C10orf90: variants seen among roughly 807,000 people sequenced by gnomAD.
C10orf90 encodes the protein (E2-independent) E3 ubiquitin-conjugating enzyme FATS.
A neutral mutation model predicts 62.5 loss-of-function variants in C10orf90; 56 were observed. The ratio of observed to expected loss-of-function variants is 0.90; its 90% CI spans 0.72 to 1.12. The LOEUF (loss-of-function observed/expected upper bound fraction) is 1.12. Among genes scored for constraint, C10orf90 ranks in the 50% most tolerant of loss-of-function variants. The pLI, the probability that C10orf90 is intolerant of heterozygous loss-of-function variation, is 0.00. For synonymous variants in C10orf90, 386 were observed against 340.4 expected (o/e 1.13, Z -1.47); for missense variants, 970 against 880.4 (o/e 1.10, Z -1.29).
At chr10:126,505,226 C>T (rs1392699060) in intron 3 of C10orf90, 141 bp from the exon 4 acceptor site, 4 of 786,480 alleles carry the variant, frequency 5.1e-6, no homozygotes, top group South Asian at 2.1e-5. Context: ...TACTGCACAC[C>T]TGATGCTCAG....
intron 2 of C10orf90, among the ~76,000 whole-genome samples, chr10:126,606,365 G>A (rs12359545): frequency 0.2 from 29,729 of 152,148 alleles, 3,064 homozygotes; most frequent in South Asian, 0.34. Context: ...ACCATCGGCT[G>A]TTGGTCAGTT....
At chr10:126,569,042 G>T (rs1844450782) in intron 2 of C10orf90, among the ~76,000 whole-genome samples, 1 of 152,160 alleles carries the variant, frequency 6.6e-6, no homozygotes, top group Non-Finnish European at 1.5e-5. Flanking sequence ...CCCGGGGGCA[G>T]GGTGCAGGGT....
At chr10:126,660,352 T>C (rs141722947) in intron 1 of C10orf90, among the ~76,000 whole-genome samples, 153 of 152,368 alleles carry the variant, frequency 1.0e-3, no homozygotes, top group African/African-American at 3.0e-3. Context: ...GAGCCTTTTA[T>C]AGAAGTCAGA....
chr10:126,610,485 T>C lies in C10orf90; in HGVS notation c.313+36080A>G, dbSNP rs192267442. Reference sequence around the variant, plus strand: ...TAATTGGAGTGTGTTCTCTGTCTCCTTCCAGGCCTCCAACTAATGGACTAC... The same window carrying C: ...TAATTGGAGTGTGTTCTCTGTCTCCCTCCAGGCCTCCAACTAATGGACTAC... On this transcript the variant is annotated intron_variant, in intron 2 of 9. Coordinates refer to ENST00000488181, the MANE Select transcript of C10orf90 (RefSeq NM_001350921.2). Among the ~76,000 whole-genome samples, 315 of 152,334 alleles carry C rather than the reference T, an allele frequency of 2.1e-3. 1 individual carries two copies. Among genetic ancestry groups the C allele is most frequent in the Middle Eastern group, 3.4e-3 (1 of 292 alleles).
rs150107656 is a variant in C10orf90 at position 126,521,087 on chromosome 10, G to T, written c.314-7148C>A. On this transcript the variant is annotated intron_variant, in intron 2 of 9. Transcript: ENST00000488181. ...GCCCACACCAGCGCCCCCAACAGGCGCTACCGTGCATCCTTTTCATGCTGT... is the reference window on the plus strand; with the variant it reads ...GCCCACACCAGCGCCCCCAACAGGCTCTACCGTGCATCCTTTTCATGCTGT... 1.0e-3 allele frequency among the ~76,000 whole-genome samples: 154 copies of T among 152,234 alleles called. 1 individual carries two copies. The highest frequency in any genetic ancestry group is 3.5e-3 in the African/African-American group (145 of 41,542).
At chr10:126,548,389 A>G (rs1167375370) in intron 2 of C10orf90, among the ~76,000 whole-genome samples, 1 of 152,070 alleles carries the variant, frequency 6.6e-6, no homozygotes, top group Non-Finnish European at 1.5e-5. Context: ...TTTTTTAGAC[A>G]AAGTCTCTCG....
intron 1 of C10orf90, among the ~76,000 whole-genome samples, chr10:126,652,228 C>A (rs1212046501): frequency 6.6e-6 from 1 of 152,208 alleles, no homozygotes. Flanking sequence ...TTCATCTCTT[C>A]ATGTTTACAT....
intron 2 of C10orf90, among the ~76,000 whole-genome samples, chr10:126,643,389 G>A (rs1647883077): frequency 2.0e-5 from 3 of 152,124 alleles, no homozygotes. Context: ...TAGACAGAAG[G>A]ACCTCTGTGG....
At position 126,425,891 on chromosome 10, in the gene C10orf90, G is replaced by A; in HGVS notation, c.2364C>T (p.Asp788=). 1 of 1,614,136 alleles carries A rather than the reference G, an allele frequency of 6.2e-7. No homozygotes were observed. The highest frequency in any genetic ancestry group is 8.5e-7 in the Non-Finnish European group (1 of 1,180,016). The change falls in exon 10 of 10, where the codon GAC becomes GAT. Residue 788 remains aspartate, a synonymous_variant. Coordinates refer to ENST00000488181, the MANE Select transcript of C10orf90 (RefSeq NM_001350921.2). The part of the protein sequence containing the change: ...RAEVFKKQLL[D]QLLQRNAV ...AGACCGCATTCCTTTGAAGGAGCTG[G>A]TCCAGTAATTGCTAGAGGAAAAGGG... is the stretch of plus-strand genomic sequence containing the variant.
chr10:126,439,391 G>A (rs1858153311), intron 7 of C10orf90, among the ~76,000 whole-genome samples: 1 of 152,122 alleles, frequency 6.6e-6, no homozygotes, highest in East Asian at 1.9e-4. Flanking sequence ...TCATTGCAAG[G>A]CAAAACAAAA....
chr10:126,635,585 G>A (rs554825115), intron 2 of C10orf90, among the ~76,000 whole-genome samples: 5 of 152,256 alleles, frequency 3.3e-5, no homozygotes, highest in Non-Finnish European at 5.9e-5. Context: ...CCAGATTAAC[G>A]AGATGCAATC....
intron 2 of C10orf90, among the ~76,000 whole-genome samples, chr10:126,530,208 G>A (rs1241510041): frequency 6.6e-6 from 1 of 151,952 alleles, no homozygotes; most frequent in Non-Finnish European, 1.5e-5. Flanking sequence ...CTATACGTAT[G>A]CACATTAACA....
At chr10:126,566,841 G>A (rs1844401508) in intron 2 of C10orf90, among the ~76,000 whole-genome samples, 1 of 152,170 alleles carries the variant, frequency 6.6e-6, no homozygotes, top group Admixed American at 6.5e-5. Context: ...GGACACACAG[G>A]ACTTGATGAT....
intron 1 of C10orf90, among the ~76,000 whole-genome samples, chr10:126,663,723 G>A (rs1433895396): frequency 6.6e-6 from 1 of 152,112 alleles, no homozygotes; most frequent in Non-Finnish European, 1.5e-5. Flanking sequence ...GGTTCATGCG[G>A]TTGGAAAATA....
chr10:126,649,060 CT>C (rs1846233395), intron 1 of C10orf90, among the ~76,000 whole-genome samples: 2 of 58,092 alleles, frequency 3.4e-5, no homozygotes, highest in African/African-American at 1.4e-4. Flanking sequence ...CTCTCTCTCT[CT>C]CTCTCTCTCT....
At chr10:126,572,300 C>T (rs907298561) in intron 2 of C10orf90, among the ~76,000 whole-genome samples, 5 of 152,120 alleles carry the variant, frequency 3.3e-5, no homozygotes, top group East Asian at 1.9e-4. Flanking sequence ...TGATCCAGAT[C>T]CCAAGAGTGG....
At chr10:126,506,740 A>G (rs375900166) in intron 3 of C10orf90, among the ~76,000 whole-genome samples, 1 of 152,224 alleles carries the variant, frequency 6.6e-6, no homozygotes, top group Non-Finnish European at 1.5e-5. Context: ...CACATTTTGG[A>G]GAGGAAGGGC....
intron 2 of C10orf90, chr10:126,522,970 G>A (rs999104052): frequency 6.6e-6 from 1 of 152,166 alleles, no homozygotes; most frequent in Non-Finnish European, 1.5e-5. Flanking sequence ...ATTAAATGAG[G>A]CAAATAAAGG....
At chr10:126,663,935 G>C (rs1846570681) in intron 1 of C10orf90, among the ~76,000 whole-genome samples, 1 of 152,100 alleles carries the variant, frequency 6.6e-6, no homozygotes, top group Non-Finnish European at 1.5e-5. Flanking sequence ...TTAGATCCTT[G>C]CCCCTAGGGA....
Sources: gnomAD v4.1 joint callset for allele counts (sites outside exome capture counted in the v4.1 genomes callset) on GRCh38, gnomAD v4.1.1 for gene constraint, MANE v1.5 for transcripts, NCBI Gene and HGNC (gene_info 2026-07-23, HGNC 2026-07-21) for gene names.